PLCH2: variants seen among roughly 807,000 people sequenced by gnomAD.
PLCH2 encodes the protein phospholipase C eta 2.
In PLCH2, 98 loss-of-function variants were observed where a neutral mutation model predicts 134.7. The observed-to-expected ratio is 0.73, with a 90% confidence interval of 0.62 to 0.86. PLCH2 has a LOEUF of 0.86. PLCH2 is among the 40% of genes least tolerant of loss of function. PLCH2 has a pLI of 0.00. For missense variants in PLCH2, 1,994 were observed against 1,986.6 expected, an observed-to-expected ratio of 1.00 and a Z score of -0.07; for synonymous variants, 974 against 827.5, an observed-to-expected ratio of 1.18 and a Z score of -3.04.
chr1:2,437,777 C>T (rs570023420), intron 2 of PLCH2, among the ~76,000 whole-genome samples: 3 of 152,316 alleles, frequency 2.0e-5, no homozygotes, highest in Admixed American at 6.5e-5. Flanking sequence ...ATATGTATAC[C>T]CACCCCCACA....
upstream of PLCH2, among the ~76,000 whole-genome samples, chr1:2,463,317 G>T (rs562365550): frequency 6.6e-6 from 1 of 152,298 alleles, no homozygotes; most frequent in South Asian, 2.1e-4. Context: ...GGCCTCTGGG[G>T]GCCCGTCGAA....
At chr1:2,452,823 C>T (rs115326034) in intron 2 of PLCH2, among the ~76,000 whole-genome samples, 2,169 of 152,328 alleles carry the variant, frequency 0.014, 59 homozygotes, top group African/African-American at 0.05. Context: ...GGCCTGGCCC[C>T]GGGTGCAGCA....
rs758101223 is a variant in PLCH2, at chr1:2,504,509, A to T, written c.3547A>T (p.Arg1183Trp). 1 of 1,612,300 alleles carries T rather than the reference A, an allele frequency of 6.2e-7. No homozygotes were observed. Among genetic ancestry groups the T allele is most frequent in the East Asian group, 2.2e-5 (1 of 44,816 alleles). Residue 1183 changes from arginine to tryptophan, a missense_variant, in exon 22 of 22, where the codon AGG becomes TGG. Coordinates refer to ENST00000378486, the MANE Select transcript of PLCH2 (RefSeq NM_014638.4). ...AGAHMGRLPP[R>W]PHSASAARPD... ...AGCCCACATGGGACGCCTGCCCCCC[A>T]GGCCCCACTCGGCTTCGGCTGCCCG...
At chr1:2,420,954 C>CTTTT in the PLCH2 span, among the ~76,000 whole-genome samples, 4 of 139,512 alleles carry the variant, frequency 2.9e-5, 1 homozygote, top group African/African-American at 8.0e-5. Context: ...TCCCTTCACA[C>CTTTT]TTTTTTTTTT....
chr1:2,438,929 C>T (rs935701630), intron 2 of PLCH2, among the ~76,000 whole-genome samples: 3 of 152,186 alleles, frequency 2.0e-5, no homozygotes, highest in South Asian at 2.1e-4. Flanking sequence ...CCCACTTCGC[C>T]GGCGTGGGCT....
In PLCH2 at chr1:2,504,921, G is replaced by A; in HGVS notation, c.3959G>A (p.Ser1320Asn). ...GCAGGAGACATCACGTCACCCACCA[G>A]CCTGGGCCCGGCTGGGGAGGGGGTG... ...QQAGDITSPTSLGPAGEGVAG... is the reference protein window; with the variant it reads ...QQAGDITSPTNLGPAGEGVAG... Residue 1320 changes from serine to asparagine, a missense_variant, in exon 22 of 22, where the codon AGC (serine) becomes AAC (asparagine). Coordinates refer to ENST00000378486, the MANE Select transcript of PLCH2 (RefSeq NM_014638.4). The A allele has an allele frequency of 6.4e-7, 1 of 1,574,790 alleles. No homozygotes were observed. The highest frequency in any genetic ancestry group is 1.2e-5 in the South Asian group (1 of 86,794).
intron 2 of PLCH2, among the ~76,000 whole-genome samples, chr1:2,430,864 C>T (rs557492324): frequency 3.3e-5 from 5 of 152,288 alleles, no homozygotes; most frequent in Non-Finnish European, 7.4e-5. Context: ...AGTGTGTGTC[C>T]CTTCGTGTGG....
At chr1:2,445,246 C>T (rs1639887632) in intron 2 of PLCH2, among the ~76,000 whole-genome samples, 1 of 152,104 alleles carries the variant, frequency 6.6e-6, no homozygotes, top group South Asian at 2.1e-4. Context: ...CCACAGGCCC[C>T]TTCCCTGAGG....
In PLCH2 at chr1:2,486,069, C is replaced by T. The variant is rs903909897; in HGVS notation, c.817-838C>T. On this transcript the variant is annotated intron_variant, in intron 5 of 21. Coordinates refer to ENST00000378486, the MANE Select transcript of PLCH2 (RefSeq NM_014638.4). Reference sequence around the variant, plus strand: ...TGCCCTGTGCCCTGGCCACCAGGGGCGGCACCAGCATGTGTCTGTGGGTGA... The same window carrying T: ...TGCCCTGTGCCCTGGCCACCAGGGGTGGCACCAGCATGTGTCTGTGGGTGA... 8.5e-5 allele frequency among the ~76,000 whole-genome samples: 13 copies of T among 152,280 alleles called. No homozygotes were observed. In the South Asian group the frequency reaches 2.1e-3, roughly 24 times the overall value.
At chr1:2,502,824 A>T in intron 21 of PLCH2, 1 of 716,864 alleles carries the variant, frequency 1.4e-6, no homozygotes, top group South Asian at 1.5e-5. Flanking sequence ...GCCTGCAGGC[A>T]ACCGGGGGCC....
chr1:2,489,143 G>C, intron 8 of PLCH2, 64 bp from the exon 9 acceptor site: 1 of 1,445,212 alleles, frequency 6.9e-7, no homozygotes, highest in Non-Finnish European at 9.6e-7. Flanking sequence ...ATCTTGCAGA[G>C]GTGGGGCTTA....
chr1:2,423,174 T>A (rs974245439), upstream of PLCH2, among the ~76,000 whole-genome samples: 13 of 89,844 alleles, frequency 1.4e-4, no homozygotes, highest in African/African-American at 4.5e-4. Flanking sequence ...AGTTTTTTTG[T>A]TTGTTTGTTT....
At chr1:2,425,646 C>T (rs533015254), upstream of PLCH2, among the ~76,000 whole-genome samples, 18 of 151,202 alleles carry the variant, frequency 1.2e-4, no homozygotes, top group African/African-American at 4.1e-4. Context: ...CCCAAGTAGC[C>T]GGGATTACAG....
chr1:2,475,816 C>G (rs563556564), upstream of PLCH2, among the ~76,000 whole-genome samples: 1 of 152,170 alleles, frequency 6.6e-6, no homozygotes, highest in Non-Finnish European at 1.5e-5. Context: ...TGGGAGTTGT[C>G]GCTGTAAGGG....
At chr1:2,424,023 C>T (rs566587864), upstream of PLCH2, among the ~76,000 whole-genome samples, 11 of 152,102 alleles carry the variant, frequency 7.2e-5, no homozygotes, top group East Asian at 2.1e-3. Context: ...CCCTGGCCTC[C>T]CAGCATGAGC....
chr1:2,458,540 C>T (rs1359546197), intron 2 of PLCH2, among the ~76,000 whole-genome samples: 1 of 152,166 alleles, frequency 6.6e-6, no homozygotes, highest in Non-Finnish European at 1.5e-5. Context: ...CAGGAACTGG[C>T]AGGCCGGGTG....
intron 1 of PLCH2, among the ~76,000 whole-genome samples, chr1:2,426,840 C>G (rs1181144756): frequency 6.6e-6 from 1 of 152,258 alleles, no homozygotes; most frequent in African/African-American, 2.4e-5. Flanking sequence ...TCCAGCAACC[C>G]CACCAGCTTG....
intron 7 of PLCH2, 38 bp from the exon 8 acceptor site, chr1:2,487,560 T>C (rs1162562653): frequency 1.3e-6 from 2 of 1,596,348 alleles, no homozygotes; most frequent in African/African-American, 1.3e-5. Context: ...TCACTGTGGC[T>C]AGGCCCCTGG....
At chr1:2,482,770 C>A (rs1642044181) in intron 4 of PLCH2, among the ~76,000 whole-genome samples, 1 of 152,192 alleles carries the variant, frequency 6.6e-6, no homozygotes, top group African/African-American at 2.4e-5. Context: ...GGAGGCAAGG[C>A]TGGTCCCCAG....
Sources: gnomAD v4.1 joint callset for allele counts (sites outside exome capture counted in the v4.1 genomes callset) on GRCh38, gnomAD v4.1.1 for gene constraint, MANE v1.5 for transcripts, NCBI Gene and HGNC (gene_info 2026-07-23, HGNC 2026-07-21) for gene names.